Variants in NBDY observed in about 807,000 individuals in gnomAD.
NBDY encodes P-body dissociating protein.
chrX:56,729,788 TA>T (rs1436977099), intron 1 of NBDY, among the ~76,000 whole-genome samples, 199 bp downstream of exon 1: 1 of 112,299 alleles, frequency 8.9e-6, no homozygotes, highest in African/African-American at 3.2e-5. Flanking sequence ...TTATTTGTAA[TA>T]TTTTAGATGA....
At chrX:56,805,956 G>A (rs2069847194) in intron 2 of NBDY, among the ~76,000 whole-genome samples, 1 of 110,909 alleles carries the variant, frequency 9.0e-6, no homozygotes. Flanking sequence ...TTCTCTTAAT[G>A]CTATCCCTCC....
At chrX:56,732,629 C>G (rs1360750704) in intron 2 of NBDY, among the ~76,000 whole-genome samples, 4 of 111,362 alleles carry the variant, frequency 3.6e-5, no homozygotes, top group Admixed American at 2.9e-4. Flanking sequence ...TATTACTGTG[C>G]TAGCTAGGAT....
chrX:56,787,695 G>A (rs2069737155), intron 2 of NBDY, among the ~76,000 whole-genome samples: 1 of 112,035 alleles, frequency 8.9e-6, no homozygotes, highest in Non-Finnish European at 1.9e-5. Flanking sequence ...AATCTGGTGT[G>A]TGGTGGCCTT....
At chrX:56,799,767 A>G (rs1188561141) in intron 2 of NBDY, among the ~76,000 whole-genome samples, 6 of 112,594 alleles carry the variant, frequency 5.3e-5, no homozygotes, top group Non-Finnish European at 9.4e-5. Context: ...ACACAAAAAA[A>G]ACAAAGAAAC....
chrX:56,807,162 C>T (rs2069855844), intron 2 of NBDY, among the ~76,000 whole-genome samples: 1 of 111,635 alleles, frequency 9.0e-6, no homozygotes. Context: ...CATTCTGTTC[C>T]ATTGGTTTAT....
chrX:56,754,368 C>G (rs1249813010), intron 2 of NBDY, among the ~76,000 whole-genome samples: 2 of 111,901 alleles, frequency 1.8e-5, no homozygotes, highest in African/African-American at 6.5e-5. Context: ...ACAGCACTGT[C>G]CCATAGACCT....
At chrX:56,735,556 G>C (rs1317726757) in intron 2 of NBDY, among the ~76,000 whole-genome samples, 1 of 111,605 alleles carries the variant, frequency 9.0e-6, no homozygotes, top group Non-Finnish European at 1.9e-5. Context: ...ATGGTTTCTA[G>C]GGTCAGAGCC....
intron 2 of NBDY, among the ~76,000 whole-genome samples, chrX:56,803,821 A>AAACAG: frequency 8.9e-6 from 1 of 112,191 alleles, no homozygotes; most frequent in South Asian, 3.7e-4. Context: ...AAACAAAACA[A>AAACAG]AAAGAAAAGA....
chrX:56,806,204 T>C, intron 2 of NBDY, among the ~76,000 whole-genome samples: 1 of 112,386 alleles, frequency 8.9e-6, no homozygotes. Flanking sequence ...CACATTTTCT[T>C]TATCCATCTT....
At chrX:56,762,311 C>CT (rs770638549) in intron 2 of NBDY, among the ~76,000 whole-genome samples, 3 of 109,264 alleles carry the variant, frequency 2.7e-5, no homozygotes, top group African/African-American at 1.0e-4. Context: ...CCACCTCCTC[C>CT]TCCTTTTTCT....
intron 2 of NBDY, among the ~76,000 whole-genome samples, chrX:56,799,440 G>A (rs2069810545): frequency 8.8e-6 from 1 of 113,299 alleles, no homozygotes; most frequent in African/African-American, 3.2e-5. Flanking sequence ...GGGCTGACTG[G>A]TCTTGGGGCT....
intron 2 of NBDY, among the ~76,000 whole-genome samples, chrX:56,790,951 C>G (rs1288153677): frequency 8.9e-6 from 1 of 112,411 alleles, no homozygotes. Context: ...CCTGGCCCAA[C>G]AGGCCTCTGT....
intron 2 of NBDY, among the ~76,000 whole-genome samples, chrX:56,809,542 T>G (rs139137410): frequency 2.7e-5 from 3 of 112,283 alleles, no homozygotes; most frequent in African/African-American, 3.2e-5. Flanking sequence ...TCTTTGTTCA[T>G]GTAAACTCTG....
intron 2 of NBDY, chrX:56,810,893 A>G (rs764872795): frequency 1.8e-5 from 2 of 111,413 alleles, no homozygotes; most frequent in Non-Finnish European, 3.8e-5. Context: ...GGATTTATCT[A>G]CCTTTGGTCT....
intron 2 of NBDY, among the ~76,000 whole-genome samples, chrX:56,794,216 C>T (rs899315028): frequency 3.6e-5 from 4 of 111,629 alleles, no homozygotes; most frequent in African/African-American, 1.3e-4. Context: ...CAGAGTCCAC[C>T]CAGCCCCGCA....
intron 2 of NBDY, among the ~76,000 whole-genome samples, chrX:56,766,624 G>A (rs2069667273): frequency 8.9e-6 from 1 of 112,151 alleles, no homozygotes; most frequent in Non-Finnish European, 1.9e-5. Flanking sequence ...GGGAAAGGGA[G>A]ACAGAGGAGC....
intron 2 of NBDY, among the ~76,000 whole-genome samples, chrX:56,808,041 C>T (rs980615561): frequency 8.9e-6 from 1 of 111,909 alleles, no homozygotes; most frequent in Non-Finnish European, 1.9e-5. Context: ...TTGTATTTGT[C>T]GGAGGCCTTT....
intron 2 of NBDY, among the ~76,000 whole-genome samples, chrX:56,756,912 G>A (rs759059223): frequency 9.1e-6 from 1 of 110,373 alleles, no homozygotes; most frequent in Non-Finnish European, 1.9e-5. Flanking sequence ...CCGAGATTGC[G>A]CCACTCCACT....
At chrX:56,749,403 C>A (rs2069572451) in intron 2 of NBDY, among the ~76,000 whole-genome samples, 1 of 111,274 alleles carries the variant, frequency 9.0e-6, no homozygotes, top group Admixed American at 9.5e-5. Flanking sequence ...TACACACTAA[C>A]TTTTCCAGGA....
Sources: allele counts gnomAD v4.1 joint callset (sites outside exome capture counted in the v4.1 genomes callset), GRCh38; gene constraint gnomAD v4.1.1; transcripts MANE v1.5; gene names NCBI Gene and HGNC (gene_info 2026-07-23, HGNC 2026-07-21).